The following ZMYM4 variants were observed in gnomAD, a reference collection of about 807,000 sequenced individuals.
ZMYM4 encodes zinc finger MYM-type protein 4.
Under a neutral mutation model 183.2 loss-of-function variants are expected in ZMYM4, and 31 were observed. That is an observed-to-expected ratio of 0.17 (90% CI 0.13 to 0.23). ZMYM4 has a LOEUF of 0.23. ZMYM4 is among the 10% of genes least tolerant of loss of function. The probability of loss-of-function intolerance (pLI) is 1.00; values close to 1 mark genes in which losing one functional copy is unlikely to be tolerated. For synonymous variants in ZMYM4, 592 were observed against 631.2 expected, an observed-to-expected ratio of 0.94 and a Z score of 0.93; for missense variants, 1,273 against 1,840.3, an observed-to-expected ratio of 0.69 and a Z score of 5.64.
chr1:35,291,937 G>T (rs1640783212), intron 1 of ZMYM4, among the ~76,000 whole-genome samples: 1 of 151,980 alleles, frequency 6.6e-6, no homozygotes, highest in South Asian at 2.1e-4. Flanking sequence ...GCCCAGCCAT[G>T]ATTGTTACTA....
At chr1:35,282,891 G>A (rs1191887980) in intron 1 of ZMYM4, among the ~76,000 whole-genome samples, 1 of 149,624 alleles carries the variant, frequency 6.7e-6, no homozygotes, top group Non-Finnish European at 1.5e-5. Flanking sequence ...TTGCACAGGG[G>A]CTATAACATT....
chr1:35,370,290 A>C (rs1044710930), intron 6 of ZMYM4, 82 bp from the exon 7 acceptor site: 2 of 1,447,262 alleles, frequency 1.4e-6, no homozygotes, highest in Non-Finnish European at 1.8e-6. Context: ...GAAAGAAAGA[A>C]TGTCTACTTA....
At chr1:35,355,119 C>T (rs1227161012) in intron 2 of ZMYM4, among the ~76,000 whole-genome samples, 5 of 151,314 alleles carry the variant, frequency 3.3e-5, no homozygotes, top group Non-Finnish European at 5.9e-5. Flanking sequence ...CTGCAAGCTT[C>T]GCCTTCCAGG....
chr1:35,348,154 C>G (rs1643467929), intron 2 of ZMYM4, among the ~76,000 whole-genome samples: 1 of 152,152 alleles, frequency 6.6e-6, no homozygotes, highest in South Asian at 2.1e-4. Context: ...ACTTCAAAGT[C>G]ATAATTTTTA....
At chr1:35,374,365 T>C (rs532187225) in intron 7 of ZMYM4, among the ~76,000 whole-genome samples, 3 of 152,286 alleles carry the variant, frequency 2.0e-5, no homozygotes, top group African/African-American at 7.2e-5. Context: ...TTAAATCAGT[T>C]TGAAGATTTT....
At chr1:35,388,551 TCTGTG>T (rs1158155859) in intron 13 of ZMYM4, among the ~76,000 whole-genome samples, 1 of 152,086 alleles carries the variant, frequency 6.6e-6, no homozygotes, top group African/African-American at 2.4e-5. Context: ...TATTTTCTCT[TCTGTG>T]CTATCCTGTC....
chr1:35,304,780 A>G (rs1291337490), intron 1 of ZMYM4, among the ~76,000 whole-genome samples: 1 of 151,648 alleles, frequency 6.6e-6, no homozygotes, highest in Non-Finnish European at 1.5e-5. Context: ...CAATTATTTG[A>G]TTTCTATCGA....
chr1:35,298,289 T>G (rs1641116108), intron 1 of ZMYM4, among the ~76,000 whole-genome samples: 1 of 152,162 alleles, frequency 6.6e-6, no homozygotes, highest in Non-Finnish European at 1.5e-5. Flanking sequence ...GCACCTATGG[T>G]CCCAGCTACT....
Position 35,385,662 on chromosome 1 carries a change from G to GT in ZMYM4, c.1720+78dup, listed in dbSNP as rs376944260. On this transcript the variant is annotated intron_variant, in intron 10 of 29. Coordinates refer to ENST00000314607, the MANE Select transcript of ZMYM4 (RefSeq NM_005095.3). ...AATGGTTATTGCTTTGTTTTTAACG[G>GT]TTTTTTTTGGTTGATTTTTAAGGCA... 524 of 1,473,918 alleles carry GT rather than the reference G, an allele frequency of 3.6e-4. 4 individuals carry two copies. The highest frequency in any genetic ancestry group is 6.3e-4 in the South Asian group (44 of 69,636). The allele number at this position is 1,473,918 out of a possible 1,614,324, so 91.3% of individuals were successfully genotyped here. A position where few individuals can be genotyped will look rare whatever the true frequency, so the allele number is the denominator to read the frequency against.
intron 1 of ZMYM4, among the ~76,000 whole-genome samples, chr1:35,307,539 A>ATTTT (rs762414783): frequency 7.1e-6 from 1 of 141,178 alleles, no homozygotes; most frequent in African/African-American, 2.6e-5. Flanking sequence ...TATTATTATT[A>ATTTT]TTATTTTTTT....
intron 1 of ZMYM4, among the ~76,000 whole-genome samples, chr1:35,316,509 C>T (rs1020393739): frequency 7.9e-5 from 12 of 152,192 alleles, no homozygotes; most frequent in African/African-American, 2.9e-4. Flanking sequence ...AGATGTCTCA[C>T]GAGCAGTGAC....
At chr1:35,306,720 T>C (rs1404769650) in intron 1 of ZMYM4, among the ~76,000 whole-genome samples, 2 of 152,206 alleles carry the variant, frequency 1.3e-5, no homozygotes, top group Non-Finnish European at 2.9e-5. Flanking sequence ...CTTGTTTCTT[T>C]TACACCTATA....
At chr1:35,318,961 A>T (rs1289656320) in intron 1 of ZMYM4, among the ~76,000 whole-genome samples, 1 of 152,120 alleles carries the variant, frequency 6.6e-6, no homozygotes, top group East Asian at 1.9e-4. Flanking sequence ...ATGTTGGCTC[A>T]CCACAACCTC....
At chr1:35,378,163 C>G (rs1169418686) in intron 7 of ZMYM4, among the ~76,000 whole-genome samples, 1 of 152,176 alleles carries the variant, frequency 6.6e-6, no homozygotes, top group African/African-American at 2.4e-5. Flanking sequence ...ACTTCTAGTT[C>G]TCTTACTATT....
intron 7 of ZMYM4, among the ~76,000 whole-genome samples, chr1:35,371,708 G>A (rs768888413): frequency 1.3e-5 from 2 of 152,010 alleles, no homozygotes; most frequent in Non-Finnish European, 2.9e-5. Context: ...TTGTCTGCCC[G>A]GAGAGGAGAA....
At chr1:35,352,261 GCGCGCGCGCA>G (rs1643639456) in intron 2 of ZMYM4, among the ~76,000 whole-genome samples, 1 of 62,072 alleles carries the variant, frequency 1.6e-5, no homozygotes, top group Admixed American at 2.6e-4. Flanking sequence ...TAGCGCGCAC[GCGCGCGCGCA>G]CACACACACA....
intron 28 of ZMYM4, among the ~76,000 whole-genome samples, chr1:35,417,951 T>C (rs1447879550): frequency 6.6e-6 from 1 of 151,410 alleles, no homozygotes; most frequent in African/African-American, 2.4e-5. Flanking sequence ...GAGGCTGCAG[T>C]GAGCGGAGAT....
chr1:35,349,673 C>CAA (rs150748861), intron 2 of ZMYM4, among the ~76,000 whole-genome samples: 1 of 150,872 alleles, frequency 6.6e-6, no homozygotes, highest in African/African-American at 2.4e-5. Flanking sequence ...ACTAAAAATA[C>CAA]AAAAAAACCA....
At chr1:35,388,654 C>T (rs1325737368) in intron 13 of ZMYM4, among the ~76,000 whole-genome samples, 1 of 152,174 alleles carries the variant, frequency 6.6e-6, no homozygotes, top group African/African-American at 2.4e-5. Flanking sequence ...GTGAACTGGT[C>T]AGGACCCAAG....
Sources: gnomAD v4.1 joint callset for allele counts (sites outside exome capture counted in the v4.1 genomes callset) on GRCh38, gnomAD v4.1.1 for gene constraint, MANE v1.5 for transcripts, NCBI Gene and HGNC (gene_info 2026-07-23, HGNC 2026-07-21) for gene names.